RBMS3: variants seen among roughly 807,000 people sequenced by gnomAD.
The protein encoded by RBMS3 is RNA binding motif single stranded interacting protein 3.
In RBMS3, 27 loss-of-function variants were observed where a neutral mutation model predicts 66.8. The ratio of observed to expected loss-of-function variants is 0.40; its 90% CI spans 0.30 to 0.56. The LOEUF is 0.56. Among genes scored for constraint, RBMS3 ranks in the 20% least tolerant of loss-of-function variants. The pLI is 0.40. For missense variants in RBMS3, 513 were observed against 549.5 expected (o/e 0.93, Z 0.66); for synonymous variants, 188 against 183.0 (o/e 1.03, Z -0.22).
At chr3:29,944,550 C>T (rs939040158) in intron 12 of RBMS3, among the ~76,000 whole-genome samples, 1 of 151,666 alleles carries the variant, frequency 6.6e-6, no homozygotes, top group African/African-American at 2.4e-5. Flanking sequence ...CAGTGATTCT[C>T]AGTGTTAGAC....
At position 29,716,067 on chromosome 3, in the gene RBMS3, G is replaced by T. The variant is rs145692965; in HGVS notation, c.400-23653G>T. On this transcript the variant is annotated intron_variant, in intron 4 of 14. Coordinates refer to ENST00000383767, the MANE Select transcript of RBMS3 (RefSeq NM_001003793.3). ...TGAGTTCAGCAAATAGATTGGCAAA[G>T]ATTAAGAAGATGGGTCACACTACTA... Among the ~76,000 whole-genome samples, 130 of 152,226 alleles carry T rather than the reference G, an allele frequency of 8.5e-4. 1 individual carries two copies. The highest frequency in any genetic ancestry group is 3.0e-3 in the African/African-American group (124 of 41,562).
At chr3:29,531,557 C>T (rs560817843) in intron 3 of RBMS3, among the ~76,000 whole-genome samples, 5 of 152,262 alleles carry the variant, frequency 3.3e-5, no homozygotes, top group African/African-American at 9.6e-5. Flanking sequence ...TCTTTCAGAG[C>T]GGAATTTTGT....
intron 4 of RBMS3, among the ~76,000 whole-genome samples, chr3:29,652,261 A>G (rs2050171736): frequency 6.6e-6 from 1 of 152,158 alleles, no homozygotes; most frequent in Non-Finnish European, 1.5e-5. Flanking sequence ...TTTTATACAT[A>G]TAAATTCTTA....
At chr3:29,723,506 T>A (rs1205205231) in intron 4 of RBMS3, among the ~76,000 whole-genome samples, 1 of 152,198 alleles carries the variant, frequency 6.6e-6, no homozygotes, top group Non-Finnish European at 1.5e-5. Context: ...TAATGACATT[T>A]TATATACAGA....
rs66580293 is a variant in RBMS3, at chr3:29,689,917, CAAAAAAAAAAAAAAAAAAAAAAAA to C, written c.400-49788_400-49765del. ...CAACATAGCAAGATCCTATCTCTAC[CAAAAAAAAAAAAAAAAAAAAAAAA>C]AAAAAAAAAAAAAAGTGAAAGAAAG... On this transcript the variant is annotated intron_variant, in intron 4 of 14. Coordinates refer to ENST00000383767, the MANE Select transcript of RBMS3 (RefSeq NM_001003793.3). 2.9e-4 allele frequency among the ~76,000 whole-genome samples: 8 copies of C among 27,726 alleles called. 1 individual carries two copies. Among genetic ancestry groups the C allele is most frequent in the Admixed American group, 2.9e-3 (4 of 1,388 alleles). 18.2% of individuals were successfully genotyped at this position (27,726 alleles called of 152,430 possible). A position where few individuals can be genotyped will look rare whatever the true frequency, so the allele number is the denominator to read the frequency against.
At chr3:29,604,923 T>G (rs1287625678) in intron 4 of RBMS3, among the ~76,000 whole-genome samples, 2 of 151,872 alleles carry the variant, frequency 1.3e-5, no homozygotes, top group East Asian at 3.9e-4. Flanking sequence ...AAACCTTAGG[T>G]GCTTTGAGAT....
At chr3:29,500,237 A>G (rs2043916538) in intron 3 of RBMS3, among the ~76,000 whole-genome samples, 1 of 151,576 alleles carries the variant, frequency 6.6e-6, no homozygotes, top group African/African-American at 2.4e-5. Context: ...TCTAAGATAT[A>G]AGGAAATTAT....
chr3:29,326,629 G>GTTAT (rs1215362667), intron 1 of RBMS3, among the ~76,000 whole-genome samples: 2 of 151,954 alleles, frequency 1.3e-5, no homozygotes, highest in Admixed American at 1.3e-4. Flanking sequence ...GAAGGTCTTG[G>GTTAT]TTATCCTTGT....
intron 3 of RBMS3, among the ~76,000 whole-genome samples, chr3:29,559,033 G>T (rs1219664283): frequency 6.6e-6 from 1 of 152,110 alleles, no homozygotes; most frequent in Non-Finnish European, 1.5e-5. Flanking sequence ...AAGTCAGTGT[G>T]TGAGACTTGA....
intron 5 of RBMS3, among the ~76,000 whole-genome samples, chr3:29,759,398 A>AATG (rs1161901096): frequency 2.0e-5 from 3 of 152,172 alleles, no homozygotes; most frequent in African/African-American, 7.2e-5. Context: ...GATCCTAATT[A>AATG]ATGTATTGTC....
At chr3:29,286,180 T>C (rs2032314066) in intron 1 of RBMS3, among the ~76,000 whole-genome samples, 1 of 152,134 alleles carries the variant, frequency 6.6e-6, no homozygotes, top group East Asian at 1.9e-4. Flanking sequence ...CATGAAACTA[T>C]GATAGCATGA....
chr3:29,984,317 T>C (rs1698216770), intron 12 of RBMS3, among the ~76,000 whole-genome samples: 1 of 152,012 alleles, frequency 6.6e-6, no homozygotes, highest in Non-Finnish European at 1.5e-5. Flanking sequence ...TCCTCTAGCC[T>C]TTTTTCAAGT....
At chr3:29,312,171 T>G (rs2125468955) in intron 1 of RBMS3, among the ~76,000 whole-genome samples, 1 of 151,934 alleles carries the variant, frequency 6.6e-6, no homozygotes, top group South Asian at 2.1e-4. Flanking sequence ...ACATATAGTC[T>G]TGTGGAGAAT....
chr3:29,633,314 A>C (rs1381992063), intron 4 of RBMS3, among the ~76,000 whole-genome samples: 4 of 151,908 alleles, frequency 2.6e-5, no homozygotes, highest in Non-Finnish European at 5.9e-5. Flanking sequence ...TTGTTTTATG[A>C]TTCATCCAAT....
At chr3:29,796,729 T>TTTTTTTTTTTTTTG (rs2057207795) in intron 6 of RBMS3, among the ~76,000 whole-genome samples, 1 of 149,440 alleles carries the variant, frequency 6.7e-6, no homozygotes, top group African/African-American at 2.5e-5. Context: ...TTTTTTTTTT[T>TTTTTTTTTTTTTTG]GGAGATGGAG....
chr3:29,961,993 ATAATATATATATT>A (rs1228379299), intron 12 of RBMS3, among the ~76,000 whole-genome samples: 1 of 110,460 alleles, frequency 9.1e-6, no homozygotes, highest in Admixed American at 9.0e-5. Flanking sequence ...ATTAATATAT[ATAATATATATATT>A]ATATATTTTT....
intron 3 of RBMS3, among the ~76,000 whole-genome samples, chr3:29,562,543 A>G (rs1363187342): frequency 6.6e-6 from 1 of 152,060 alleles, no homozygotes; most frequent in African/African-American, 2.4e-5. Context: ...AGGACTTGCT[A>G]CCTCCAAGGA....
chr3:29,938,231 G>C (rs2061313610), intron 11 of RBMS3, among the ~76,000 whole-genome samples: 1 of 151,878 alleles, frequency 6.6e-6, no homozygotes, highest in Non-Finnish European at 1.5e-5. Flanking sequence ...TTTTGTATTT[G>C]AGCATTCCAA....
At chr3:29,393,923 A>G (rs73040679) in intron 1 of RBMS3, among the ~76,000 whole-genome samples, 1 of 152,048 alleles carries the variant, frequency 6.6e-6, no homozygotes, top group Non-Finnish European at 1.5e-5. Context: ...GCAGAGCAAG[A>G]TCACAAGGCT....
Sources: gnomAD v4.1 joint callset for allele counts (sites outside exome capture counted in the v4.1 genomes callset) on GRCh38, gnomAD v4.1.1 for gene constraint, MANE v1.5 for transcripts, NCBI Gene and HGNC (gene_info 2026-07-23, HGNC 2026-07-21) for gene names.